Variants in QRICH1 observed in about 807,000 individuals in gnomAD.
QRICH1 encodes transcriptional regulator QRICH1.
A neutral mutation model predicts 87.1 loss-of-function variants in QRICH1; 16 were observed. That is an observed-to-expected ratio of 0.18 (90% CI 0.12 to 0.28). The LOEUF is 0.28. Among genes scored for constraint, QRICH1 ranks in the 10% least tolerant of loss-of-function variants. QRICH1 has a pLI of 1.00. For missense variants in QRICH1, 647 were observed against 951.7 expected, an observed-to-expected ratio of 0.68 and a Z score of 4.21; for synonymous variants, 367 against 368.4, an observed-to-expected ratio of 1.00 and a Z score of 0.05.
chr3:49,032,417 T>C, intron 8 of QRICH1, 144 bp from the exon 9 acceptor site: 1 of 839,112 alleles, frequency 1.2e-6, no homozygotes, highest in Non-Finnish European at 1.9e-6. Flanking sequence ...GGGCAGTGAC[T>C]ACTAAGGGAA....
Position 49,030,418 on chromosome 3 carries a change from T to A in QRICH1, c.*34A>T, listed in dbSNP as rs560445556. The A allele has an allele frequency of 1.3e-5, 21 of 1,598,304 alleles. No homozygotes were observed. In the East Asian group the frequency reaches 4.3e-4, roughly 32 times the overall value. On this transcript the variant is annotated 3_prime_UTR_variant, in exon 10 of 10. Coordinates refer to ENST00000395443, the MANE Select transcript of QRICH1 (RefSeq NM_198880.3). Reference sequence around the variant, plus strand: ...GTGTGAAAGTCTGTCTGGTTTTTCCTGGCTGGTTTCTCTTGTGCCATGGCC... The same window carrying A: ...GTGTGAAAGTCTGTCTGGTTTTTCCAGGCTGGTTTCTCTTGTGCCATGGCC...
At chr3:49,033,383 T>C in intron 6 of QRICH1, 155 bp from the exon 7 acceptor site, 1 of 422,892 alleles carries the variant, frequency 2.4e-6, no homozygotes, top group Non-Finnish European at 4.1e-6. Context: ...GAAAGCTTCT[T>C]AAAACACAGA....
chr3:49,064,776 GA>G (rs1445805271), intron 2 of QRICH1, among the ~76,000 whole-genome samples: 1 of 152,108 alleles, frequency 6.6e-6, no homozygotes, highest in Non-Finnish European at 1.5e-5. Context: ...AGCACTTTGG[GA>G]GGCCAAGGCA....
At chr3:49,073,050 C>A (rs1298750276) in intron 2 of QRICH1, among the ~76,000 whole-genome samples, 1 of 151,092 alleles carries the variant, frequency 6.6e-6, no homozygotes, top group Non-Finnish European at 1.5e-5. Flanking sequence ...AAAAAAAAAA[C>A]AGAAAAAATG....
chr3:49,074,161 A>G (rs1439151636), intron 2 of QRICH1, among the ~76,000 whole-genome samples: 4 of 152,212 alleles, frequency 2.6e-5, no homozygotes, highest in Non-Finnish European at 5.9e-5. Flanking sequence ...AAGTTAATGA[A>G]GATCACTGAA....
At chr3:49,058,097 AC>A in intron 2 of QRICH1, 2 of 826,122 alleles carry the variant, frequency 2.4e-6, no homozygotes, top group Non-Finnish European at 3.7e-6. Context: ...ACATATATCC[AC>A]CCCAGAGAGC....
At chr3:49,089,011 G>A (rs1264971315) in intron 1 of QRICH1, among the ~76,000 whole-genome samples, 1 of 151,852 alleles carries the variant, frequency 6.6e-6, no homozygotes, top group East Asian at 1.9e-4. Flanking sequence ...CCATGCCAGA[G>A]GAGTCCCTGG....
At chr3:49,086,209 A>C (rs1173373861) in intron 1 of QRICH1, among the ~76,000 whole-genome samples, 2 of 150,468 alleles carry the variant, frequency 1.3e-5, no homozygotes, top group Non-Finnish European at 3.0e-5. Context: ...TTGCTGGTAT[A>C]AAATCAAATT....
chr3:49,054,335 T>C (rs758517867), intron 3 of QRICH1, among the ~76,000 whole-genome samples: 11 of 152,198 alleles, frequency 7.2e-5, no homozygotes, highest in Admixed American at 1.3e-4. Context: ...GTTACAAATC[T>C]ACTGGCTAGT....
In QRICH1 at chr3:49,047,128, G is replaced by A; in HGVS notation, c.1457C>T (p.Ala486Val). Residue 486 changes from alanine (A) to valine (V), a missense_variant, in exon 4 of 10, where the codon GCC (alanine) becomes GTC (valine). This residue lies in a region of QRICH1 where 187 missense variants were observed against 309.5 expected (regional missense o/e 0.60). Coordinates refer to ENST00000395443, the MANE Select transcript of QRICH1 (RefSeq NM_198880.3). ...CTCTAGTTCAGCATTCTTGGTCTGG[G>A]CCCAGTTTTTCCATACTTCAAGCCC... ...EEGLEVWKNWAQTKNAELEKD... is the reference protein window; with the variant it reads ...EEGLEVWKNWVQTKNAELEKD... 2 of 1,614,110 alleles carry A rather than the reference G, an allele frequency of 1.2e-6. No homozygotes were observed. The highest frequency in any genetic ancestry group is 1.1e-5 in the South Asian group (1 of 91,082).
chr3:49,030,376 T>C lies in QRICH1; in HGVS notation c.*76A>G, dbSNP rs2093227697. The C allele has an allele frequency of 7.4e-7, 1 of 1,344,676 alleles. No homozygotes were observed. The highest frequency in any genetic ancestry group is 1.0e-6 in the Non-Finnish European group (1 of 979,768). The allele number at this position is 1,344,676 out of a possible 1,614,324, so 83.3% of individuals were successfully genotyped here. A position where few individuals can be genotyped will look rare whatever the true frequency, so the allele number is the denominator to read the frequency against. On this transcript the variant is annotated 3_prime_UTR_variant, in exon 10 of 10. Coordinates refer to ENST00000395443, the MANE Select transcript of QRICH1 (RefSeq NM_198880.3). ...CCAATAAAAAAAAGAAAAAAAAAAA[T>C]GGAGGCCTCTTCTTTAGTGTGAAAG...
At chr3:49,055,655 A>T (rs924194129) in intron 3 of QRICH1, among the ~76,000 whole-genome samples, 3 of 152,054 alleles carry the variant, frequency 2.0e-5, no homozygotes, top group Admixed American at 1.3e-4. Flanking sequence ...CTGCCACTGC[A>T]CCCAGCACTA....
intron 5 of QRICH1, among the ~76,000 whole-genome samples, chr3:49,044,786 G>A (rs1030479724): frequency 6.6e-6 from 1 of 152,002 alleles, no homozygotes; most frequent in Non-Finnish European, 1.5e-5. Context: ...TAGGCTCTGG[G>A]GTCAGCCTTC....
intron 1 of QRICH1, among the ~76,000 whole-genome samples, chr3:49,081,767 C>A (rs1373085763): frequency 6.6e-6 from 1 of 151,916 alleles, no homozygotes. Context: ...TCCCAAACTG[C>A]TGGGATTACA....
chr3:49,069,352 T>C (rs955522358), intron 2 of QRICH1, among the ~76,000 whole-genome samples: 2 of 151,744 alleles, frequency 1.3e-5, no homozygotes, highest in African/African-American at 4.8e-5. Context: ...TCCACCCGCC[T>C]TGTCCTCCCA....
intron 3 of QRICH1, among the ~76,000 whole-genome samples, chr3:49,056,408 A>C (rs1181700271): frequency 6.6e-6 from 1 of 152,188 alleles, no homozygotes; most frequent in East Asian, 1.9e-4. Context: ...TGTGTGCCCA[A>C]AGATGAAAAA....
chr3:49,074,369 G>A (rs940964135), intron 2 of QRICH1, among the ~76,000 whole-genome samples: 12 of 151,696 alleles, frequency 7.9e-5, no homozygotes, highest in South Asian at 2.1e-4. Flanking sequence ...TCAGGAGATC[G>A]AGACCATGCT....
chr3:49,032,634 T>A lies in QRICH1; in HGVS notation c.2035A>T (p.Thr679Ser), dbSNP rs376118695. 1 of 1,595,720 alleles carries A rather than the reference T, an allele frequency of 6.3e-7. No individual in the cohort carries two copies. Among genetic ancestry groups the A allele is most frequent in the Non-Finnish European group, 8.5e-7 (1 of 1,170,622 alleles). The change falls in exon 8 of 10, where the codon ACT becomes TCT. Residue 679 changes from threonine to serine, a missense_variant. By Grantham distance (58) the Thr-to-Ser change is moderately conservative. Around this residue, in one of 7 missense-constraint regions of QRICH1, gnomAD observed 187 missense variants for 309.5 expected, o/e 0.60. Coordinates refer to ENST00000395443, the MANE Select transcript of QRICH1 (RefSeq NM_198880.3). ...RYLKALGIHQ[T>S]GQKVTDDMYA... Reference sequence around the variant, plus strand: ...CTCCTTTCCCTACCTTTCTGGCCAGTCTGGTGTATTCCAAGGGCCTTCAAG... The same window carrying A: ...CTCCTTTCCCTACCTTTCTGGCCAGACTGGTGTATTCCAAGGGCCTTCAAG...
chr3:49,062,747 C>T (rs1449788929), intron 2 of QRICH1, among the ~76,000 whole-genome samples: 1 of 151,790 alleles, frequency 6.6e-6, no homozygotes, highest in South Asian at 2.1e-4. Flanking sequence ...GTGGCTCACA[C>T]CTGTAATCCC....
Sources: allele counts gnomAD v4.1 joint callset (sites outside exome capture counted in the v4.1 genomes callset), GRCh38; gene constraint gnomAD v4.1.1; regional missense constraint gnomAD v4.1.1; transcripts MANE v1.5; gene names NCBI Gene and HGNC (gene_info 2026-07-23, HGNC 2026-07-21).